KCND2: variants seen among roughly 807,000 people sequenced by gnomAD.
The protein encoded by KCND2 is A-type voltage-gated potassium channel KCND2.
Under a neutral mutation model 54.4 loss-of-function variants are expected in KCND2, and 16 were observed. That is an observed-to-expected ratio of 0.29 (90% CI 0.20 to 0.45). The LOEUF is 0.45. Ranked by LOEUF, KCND2 falls within the 20% of genes least tolerant of loss-of-function variation. The pLI, the probability that KCND2 is intolerant of heterozygous loss-of-function variation, is 1.00. For synonymous variants in KCND2, 317 were observed against 310.7 expected (o/e 1.02, Z -0.21); for missense variants, 486 against 824.2 (o/e 0.59, Z 5.02).
intron 1 of KCND2, among the ~76,000 whole-genome samples, chr7:120,339,219 A>C (rs1157575435): frequency 6.6e-6 from 1 of 151,922 alleles, no homozygotes; most frequent in African/African-American, 2.4e-5. Flanking sequence ...TAGCTGTGTA[A>C]TCTTAGGCAA....
At chr7:120,442,806 GC>G (rs929003154) in intron 1 of KCND2, among the ~76,000 whole-genome samples, 2 of 152,072 alleles carry the variant, frequency 1.3e-5, no homozygotes, top group African/African-American at 4.8e-5. Flanking sequence ...ATCATTTCCA[GC>G]CCTTGCTTTA....
At chr7:120,318,156 A>G (rs895457673) in intron 1 of KCND2, among the ~76,000 whole-genome samples, 2 of 152,154 alleles carry the variant, frequency 1.3e-5, no homozygotes, top group African/African-American at 4.8e-5. Flanking sequence ...CAGTTCTCAC[A>G]TCTAAAATTA....
In KCND2 at chr7:120,364,932, C is replaced by T. The variant is rs561934082; in HGVS notation, c.1115+89185C>T. 2.6e-5 allele frequency among the ~76,000 whole-genome samples: 4 copies of T among 151,828 alleles called. No homozygotes were observed. In the East Asian group the frequency reaches 5.8e-4, roughly 22 times the overall value. ...CCTAACTAAAGTTTGGCCCAGCAAACGATTTTGTAAGGAGCAAAAAGATTA... is the reference window on the plus strand; with the variant it reads ...CCTAACTAAAGTTTGGCCCAGCAAATGATTTTGTAAGGAGCAAAAAGATTA... On this transcript the variant is annotated intron_variant, in intron 1 of 5. Transcript: ENST00000331113.
At chr7:120,307,880 A>G (rs1799671129) in intron 1 of KCND2, among the ~76,000 whole-genome samples, 1 of 152,138 alleles carries the variant, frequency 6.6e-6, no homozygotes, top group Non-Finnish European at 1.5e-5. Context: ...TTGAACAGAT[A>G]ATAGGAAATA....
intron 1 of KCND2, among the ~76,000 whole-genome samples, chr7:120,316,318 A>G (rs1356199059): frequency 1.3e-5 from 2 of 152,220 alleles, no homozygotes; most frequent in Non-Finnish European, 2.9e-5. Flanking sequence ...ATATTTAGCT[A>G]GCTATGTGAT....
intron 1 of KCND2, among the ~76,000 whole-genome samples, chr7:120,359,823 G>A (rs1054607031): frequency 3.3e-5 from 5 of 152,116 alleles, no homozygotes; most frequent in East Asian, 1.9e-4. Flanking sequence ...TGCTGTTCTC[G>A]TGATAGTGAG....
intron 1 of KCND2, among the ~76,000 whole-genome samples, chr7:120,351,207 G>A (rs562054271): frequency 7.0e-6 from 1 of 141,864 alleles, no homozygotes; most frequent in Non-Finnish European, 1.5e-5. Context: ...ATTTTATACT[G>A]TATGACAATA....
At chr7:120,579,162 G>A (rs2116440056) in intron 1 of KCND2, among the ~76,000 whole-genome samples, 1 of 151,626 alleles carries the variant, frequency 6.6e-6, no homozygotes, top group South Asian at 2.1e-4. Context: ...ATAGAAAGAG[G>A]ATAGAGATAA....
intron 1 of KCND2, among the ~76,000 whole-genome samples, chr7:120,572,239 G>A (rs1467112826): frequency 1.3e-5 from 2 of 151,838 alleles, no homozygotes; most frequent in African/African-American, 4.8e-5. Context: ...TTGTGCAAAG[G>A]CCATCTGTTC....
At chr7:120,723,738 T>A (rs960650758) in intron 1 of KCND2, among the ~76,000 whole-genome samples, 2 of 152,072 alleles carry the variant, frequency 1.3e-5, no homozygotes, top group African/African-American at 4.8e-5. Context: ...CTTAAAAAAA[T>A]TAAAATTAAA....
intron 1 of KCND2, among the ~76,000 whole-genome samples, chr7:120,468,663 T>C (rs1372565274): frequency 1.3e-5 from 2 of 152,188 alleles, no homozygotes; most frequent in South Asian, 4.1e-4. Flanking sequence ...AGCCTATCTA[T>C]ATGCCACGAT....
chr7:120,733,089 C>G lies in KCND2; in HGVS notation c.1278+24C>G, dbSNP rs150789104. On this transcript the variant is annotated intron_variant, in intron 2 of 5. Coordinates refer to ENST00000331113, the MANE Select transcript of KCND2 (RefSeq NM_012281.3). ...AGGTGCGTATTCAACTCCGTGCAACCATGGTTTAGCACTTCCCACTTTTTA... is the reference window on the plus strand; with the variant it reads ...AGGTGCGTATTCAACTCCGTGCAACGATGGTTTAGCACTTCCCACTTTTTA... 1.3e-4 allele frequency: 217 copies of G among 1,611,752 alleles called. No individual in the cohort carries two copies. In the African/African-American group the frequency reaches 2.1e-3, roughly 15 times the overall value.
intron 1 of KCND2, among the ~76,000 whole-genome samples, chr7:120,558,662 T>C (rs1792194547): frequency 6.6e-6 from 1 of 152,174 alleles, no homozygotes; most frequent in Non-Finnish European, 1.5e-5. Flanking sequence ...GTGAAACAGA[T>C]TGAGTCAGCT....
chr7:120,636,241 T>G (rs1367096207), intron 1 of KCND2, among the ~76,000 whole-genome samples: 2 of 151,912 alleles, frequency 1.3e-5, no homozygotes, highest in African/African-American at 4.8e-5. Context: ...GTTTGTGGGG[T>G]GGGTATCAGG....
chr7:120,658,900 C>A (rs1490757253), intron 1 of KCND2, among the ~76,000 whole-genome samples: 1 of 152,150 alleles, frequency 6.6e-6, no homozygotes, highest in Non-Finnish European at 1.5e-5. Context: ...TCTATACCGG[C>A]AGAACTGTGT....
intron 1 of KCND2, among the ~76,000 whole-genome samples, chr7:120,521,825 A>G (rs1265863282): frequency 6.6e-6 from 1 of 152,132 alleles, no homozygotes; most frequent in Non-Finnish European, 1.5e-5. Flanking sequence ...GTGTACTTGT[A>G]GTGTTATAGC....
At chr7:120,476,861 C>T (rs563765453) in intron 1 of KCND2, among the ~76,000 whole-genome samples, 6 of 152,160 alleles carry the variant, frequency 3.9e-5, no homozygotes, top group Non-Finnish European at 8.8e-5. Flanking sequence ...AGAGGAGCTG[C>T]TGGGTTTGAG....
chr7:120,644,716 A>G (rs1793417295), intron 1 of KCND2, among the ~76,000 whole-genome samples: 1 of 152,158 alleles, frequency 6.6e-6, no homozygotes, highest in Non-Finnish European at 1.5e-5. Context: ...AATACTCACT[A>G]TTGTCAGAAG....
chr7:120,668,883 C>T (rs942280597), intron 1 of KCND2, among the ~76,000 whole-genome samples: 1 of 151,964 alleles, frequency 6.6e-6, no homozygotes, highest in African/African-American at 2.4e-5. Context: ...ACTACATTAG[C>T]ATTTTTCTTT....
Sources: allele counts gnomAD v4.1 joint callset (sites outside exome capture counted in the v4.1 genomes callset), GRCh38; gene constraint gnomAD v4.1.1; transcripts MANE v1.5; gene names NCBI Gene and HGNC (gene_info 2026-07-23, HGNC 2026-07-21).